The following C7orf57 variants were observed in gnomAD, a reference collection of about 807,000 sequenced individuals.
C7orf57 encodes the protein chromosome 7 open reading frame 57.
A neutral mutation model predicts 39.0 loss-of-function variants in C7orf57; 33 were observed. That is an observed-to-expected ratio of 0.85 (90% CI 0.64 to 1.13). C7orf57 has a LOEUF of 1.13. Among genes scored for constraint, C7orf57 ranks in the 50% most tolerant of loss-of-function variants. The pLI, the probability that C7orf57 is intolerant of heterozygous loss-of-function variation, is 0.00. For synonymous variants in C7orf57, 124 were observed against 137.1 expected (o/e 0.90, Z 0.67); for missense variants, 346 against 362.3 (o/e 0.95, Z 0.37).
At chr7:48,043,065 G>A (rs1006701628) in intron 3 of C7orf57, among the ~76,000 whole-genome samples, 1 of 152,194 alleles carries the variant, frequency 6.6e-6, no homozygotes, top group African/African-American at 2.4e-5. Context: ...CAGTGGCAGA[G>A]GACAGTCAGA....
chr7:48,040,521 C>T (rs991811527), intron 2 of C7orf57, among the ~76,000 whole-genome samples: 1 of 152,206 alleles, frequency 6.6e-6, no homozygotes, highest in Admixed American at 6.5e-5. Context: ...CCTCTGGCCA[C>T]CTTTCACAGC....
chr7:48,037,934 T>G (rs1239838262), intron 2 of C7orf57, among the ~76,000 whole-genome samples: 1 of 152,204 alleles, frequency 6.6e-6, no homozygotes. Flanking sequence ...GACACACTGT[T>G]CTCTGTGGAT....
At chr7:48,055,772 C>T (rs1221699792) in intron 8 of C7orf57, among the ~76,000 whole-genome samples, 1 of 152,192 alleles carries the variant, frequency 6.6e-6, no homozygotes. Flanking sequence ...CCAGGTTCAT[C>T]CATGTTGTCA....
chr7:48,040,004 T>C (rs1181748773), intron 2 of C7orf57, among the ~76,000 whole-genome samples: 1 of 152,200 alleles, frequency 6.6e-6, no homozygotes, highest in East Asian at 1.9e-4. Context: ...CAGATTCAAA[T>C]AGTTACCTAG....
In C7orf57 at chr7:48,051,863, CTTT is replaced by C. The variant is rs1562630344; in HGVS notation, c.606-836_606-834del. 7.0e-4 allele frequency among the ~76,000 whole-genome samples: 39 copies of C among 55,536 alleles called. 2 individuals are homozygous for C. The highest frequency in any genetic ancestry group is 2.2e-3 in the African/African-American group (23 of 10,564). The allele number at this position is 55,536 out of a possible 152,430, so 36.4% of individuals were successfully genotyped here. On this transcript the variant is annotated intron_variant, in intron 6 of 8. Coordinates refer to ENST00000348904, the MANE Select transcript of C7orf57 (RefSeq NM_001100159.3). ...TCTTTCTTTCTTTCTTTCTTTCTTT[CTTT>C]CTTTCTCTTTCTCTTTCTTTCTTTC...
At chr7:48,051,888 T>TTCCTTCC in intron 6 of C7orf57, among the ~76,000 whole-genome samples, 1 of 72,908 alleles carries the variant, frequency 1.4e-5, no homozygotes, top group South Asian at 5.1e-4. Flanking sequence ...TCTTTCTTTC[T>TTCCTTCC]TTCCTTCCTT....
intron 8 of C7orf57, among the ~76,000 whole-genome samples, chr7:48,058,233 C>A (rs1444836712): frequency 6.6e-6 from 1 of 152,132 alleles, no homozygotes. Flanking sequence ...AGTGTTCCTT[C>A]CTTTTCAATT....
intron 8 of C7orf57, among the ~76,000 whole-genome samples, chr7:48,057,745 T>C (rs996923802): frequency 3.9e-5 from 6 of 152,210 alleles, no homozygotes; most frequent in Admixed American, 3.3e-4. Flanking sequence ...TCATATTAGC[T>C]GTGGGCTTCT....
chr7:48,041,270 T>C, intron 2 of C7orf57, 64 bp from the exon 3 acceptor site: 1 of 1,449,130 alleles, frequency 6.9e-7, no homozygotes, highest in Non-Finnish European at 9.4e-7. Flanking sequence ...GATACTCTGG[T>C]AGAGGCCTAG....
intron 4 of C7orf57, 145 bp from the exon 5 acceptor site, chr7:48,046,315 G>T: frequency 1.5e-6 from 1 of 673,670 alleles, no homozygotes; most frequent in Non-Finnish European, 2.4e-6. Context: ...GAGAGAGAGA[G>T]GAGAAAGGAA....
intron 6 of C7orf57, among the ~76,000 whole-genome samples, chr7:48,051,730 T>TTC (rs375702986): frequency 0.15 from 12,849 of 88,448 alleles, 2,381 homozygotes; most frequent in Middle Eastern, 0.37. Flanking sequence ...TTCTTTCTCT[T>TTC]TTTCTTTTCT....
intron 7 of C7orf57, 150 bp from the exon 8 acceptor site, chr7:48,054,445 C>T: frequency 1.9e-6 from 1 of 525,384 alleles, no homozygotes; most frequent in East Asian, 3.4e-5. Flanking sequence ...GTTTGTTGCC[C>T]TATTGAACTT....
At chr7:48,053,626 T>G (rs1476149779) in intron 7 of C7orf57, among the ~76,000 whole-genome samples, 3 of 152,098 alleles carry the variant, frequency 2.0e-5, no homozygotes, top group African/African-American at 7.2e-5. Context: ...TATTTTTTTA[T>G]TTTTCATAAA....
At chr7:48,045,920 A>T (rs1471306901) in intron 4 of C7orf57, among the ~76,000 whole-genome samples, 1 of 152,182 alleles carries the variant, frequency 6.6e-6, no homozygotes, top group African/African-American at 2.4e-5. Context: ...ATTATTTTAA[A>T]TGAACATGTT....
chr7:48,053,660 C>T (rs114088134), intron 7 of C7orf57, among the ~76,000 whole-genome samples: 101 of 152,132 alleles, frequency 6.6e-4, no homozygotes, highest in African/African-American at 2.2e-3. Flanking sequence ...TATATTGCCC[C>T]GGCTGGTCTC....
At chr7:48,056,535 G>GT in intron 8 of C7orf57, among the ~76,000 whole-genome samples, 1 of 152,072 alleles carries the variant, frequency 6.6e-6, no homozygotes, top group East Asian at 1.9e-4. Context: ...TGCTGGGGAG[G>GT]TTTTTCCCTA....
At chr7:48,039,770 C>A (rs4354227) in intron 2 of C7orf57, among the ~76,000 whole-genome samples, 2 of 45,840 alleles carry the variant, frequency 4.4e-5, no homozygotes, top group Non-Finnish European at 8.6e-5. Flanking sequence ...TGTGACAGTA[C>A]GTTCTGATAA....
rs918221286 is a variant in C7orf57, at chr7:48,035,602, C to A, written c.-130C>A. Reference sequence around the variant, plus strand: ...AAACTCCAACGCCGGGCGCCGCGGGCAGCACCCACGGAGACCCGCGGGGAG... The same window carrying A: ...AAACTCCAACGCCGGGCGCCGCGGGAAGCACCCACGGAGACCCGCGGGGAG... On this transcript the variant is annotated 5_prime_UTR_variant, in exon 1 of 9. Coordinates refer to ENST00000348904, the MANE Select transcript of C7orf57 (RefSeq NM_001100159.3). This position sits in a 1 kb window ranked among gnomAD's most constrained non-coding sequence, Gnocchi z 4.0. 1 of 693,458 alleles carries A rather than the reference C, an allele frequency of 1.4e-6. No individual in the cohort carries two copies. The highest frequency in any genetic ancestry group is 2.0e-5 in the Admixed American group (1 of 49,560). 43.0% of individuals were successfully genotyped at this position (693,458 alleles called of 1,614,324 possible). A position where few individuals can be genotyped will look rare whatever the true frequency, so the allele number is the denominator to read the frequency against.
At chr7:48,037,893 C>T (rs1790430677) in intron 2 of C7orf57, among the ~76,000 whole-genome samples, 2 of 152,090 alleles carry the variant, frequency 1.3e-5, no homozygotes, top group South Asian at 4.2e-4. Flanking sequence ...AGTGCCTGTC[C>T]ACAGCTTCCA....
Sources: allele counts gnomAD v4.1 joint callset (sites outside exome capture counted in the v4.1 genomes callset), GRCh38; gene constraint gnomAD v4.1.1; non-coding constraint Gnocchi (gnomAD v3.1); transcripts MANE v1.5; gene names NCBI Gene and HGNC (gene_info 2026-07-23, HGNC 2026-07-21).